SLC39A10: variants seen among roughly 807,000 people sequenced by gnomAD.
SLC39A10 encodes solute carrier family 39 member 10.
Under a neutral mutation model 65.1 loss-of-function variants are expected in SLC39A10, and 13 were observed. The ratio of observed to expected loss-of-function variants is 0.20; its 90% CI spans 0.13 to 0.32. The LOEUF is 0.32. SLC39A10 is among the 10% of genes least tolerant of loss of function. SLC39A10 has a pLI of 1.00. For synonymous variants in SLC39A10, 321 were observed against 342.2 expected (o/e 0.94, Z 0.68); for missense variants, 831 against 1,018.4 (o/e 0.82, Z 2.50).
intron 3 of SLC39A10, among the ~76,000 whole-genome samples, chr2:195,700,827 C>T (rs1691148631): frequency 6.6e-6 from 1 of 152,108 alleles, no homozygotes; most frequent in Non-Finnish European, 1.5e-5. Flanking sequence ...AGTTGCTTCT[C>T]TTGCAGCTTT....
Position 195,734,928 on chromosome 2 carries a change from T to C in SLC39A10, c.2383T>C (p.Phe795Leu). The change falls in exon 10 of 10, where the codon TTT becomes CTT. Residue 795 changes from phenylalanine (F) to leucine (L), a missense_variant. This residue lies in a region of SLC39A10 where 120 missense variants were observed against 203.9 expected (regional missense o/e 0.59). Coordinates refer to ENST00000359634, the MANE Select transcript of SLC39A10 (RefSeq NM_020342.3). ...TGATGGTGACAATGAAGAACATGGCTTTTGTCCTGTGGGGCAATTCATCCT... is the reference window on the plus strand; with the variant it reads ...TGATGGTGACAATGAAGAACATGGCCTTTGTCCTGTGGGGCAATTCATCCT... ...HGDGDNEEHG[F>L]CPVGQFILQN... 6.2e-7 allele frequency: 1 copy of C among 1,611,940 alleles called. No homozygotes were observed.
rs540926384 is a variant in SLC39A10 at position 195,627,719 on chromosome 2, T to C, written c.-12+21486T>C. 2.4e-4 allele frequency among the ~76,000 whole-genome samples: 36 copies of C among 152,266 alleles called. 1 individual carries two copies. In the East Asian group the frequency reaches 5.8e-3, roughly 24 times the overall value. On this transcript the variant is annotated intron_variant, in intron 2 of 2. Coordinates refer to the SLC39A10 transcript ENST00000458054. ...GGGAAGGAATTGGAAACAAGACAGA[T>C]AAGTCTGAGGGAAGGAAGATGTGCA...
intron 1 of SLC39A10, among the ~76,000 whole-genome samples, chr2:195,657,884 C>T (rs1482289231): frequency 6.6e-6 from 1 of 152,186 alleles, no homozygotes; most frequent in Non-Finnish European, 1.5e-5. Context: ...GGCGGCGCCT[C>T]TGCTCCTACT....
rs147403897 is a variant in SLC39A10, at chr2:195,642,271, A to C, written c.-12+36038A>C. Among the ~76,000 whole-genome samples, 360 of 152,322 alleles carry C rather than the reference A, an allele frequency of 2.4e-3. 6 individuals are homozygous for C. Among genetic ancestry groups the C allele is most frequent in the African/African-American group, 8.3e-3 (345 of 41,562 alleles). ...ACTTGGGTGTGGTGAGAAGTAGAAT[A>C]TGGACACAAGGCATCTGTAAGAATT... is the stretch of plus-strand genomic sequence containing the variant. On this transcript the variant is annotated intron_variant, in intron 2 of 2. Coordinates refer to the SLC39A10 transcript ENST00000458054.
intron 4 of SLC39A10, among the ~76,000 whole-genome samples, chr2:195,707,270 T>G (rs1173908366): frequency 1.3e-5 from 2 of 152,196 alleles, no homozygotes; most frequent in Non-Finnish European, 2.9e-5. Flanking sequence ...CACTTCTAAT[T>G]ATATGATCAC....
At chr2:195,633,529 A>G (rs1010253512) in intron 2 of SLC39A10, among the ~76,000 whole-genome samples, 5 of 152,214 alleles carry the variant, frequency 3.3e-5, no homozygotes, top group Non-Finnish European at 7.3e-5. Flanking sequence ...GTGAGGGCAG[A>G]GGGTCTAGTG....
intron 3 of SLC39A10, among the ~76,000 whole-genome samples, chr2:195,691,324 CGT>C (rs1183852474): frequency 3.3e-5 from 5 of 152,120 alleles, no homozygotes; most frequent in Non-Finnish European, 7.4e-5. Context: ...CTGCTGTAAA[CGT>C]GTGTCCAAGT....
chr2:195,671,699 A>G (rs1228586040), intron 1 of SLC39A10: 3 of 152,206 alleles, frequency 2.0e-5, no homozygotes, highest in Non-Finnish European at 2.9e-5. Flanking sequence ...GTTAACATCT[A>G]CTGGAATGCT....
At chr2:195,657,396 G>A (rs940687954) in intron 1 of SLC39A10, 115 bp downstream of exon 1, 2 of 985,460 alleles carry the variant, frequency 2.0e-6, no homozygotes, top group Admixed American at 6.1e-5. Context: ...CAGAACCGGG[G>A]AGTCGGGGCT....
intron 1 of SLC39A10, among the ~76,000 whole-genome samples, chr2:195,661,994 T>A (rs1337520208): frequency 6.6e-6 from 1 of 152,208 alleles, no homozygotes; most frequent in East Asian, 1.9e-4. Context: ...ATACTCGACT[T>A]TGGGGGACAG....
At position 195,708,833 on chromosome 2, in the gene SLC39A10, AAAC is replaced by A. The variant is rs778206324; in HGVS notation, c.1570_1572del (p.Gln524del). The A allele has an allele frequency of 1.9e-6, 3 of 1,601,846 alleles. No homozygotes were observed. In the African/African-American group the frequency reaches 4.0e-5, roughly 22 times the overall value. The stretch of plus-strand genomic sequence containing the variant: ...CTGCATTAGAATGTTTAAGCACTAC[AAAC>A]AACAAAGAGTAAGTATTTTTTATTT... On this transcript the variant is annotated inframe_deletion, in exon 5 of 10. Coordinates refer to ENST00000359634, the MANE Select transcript of SLC39A10 (RefSeq NM_020342.3).
chr2:195,725,566 G>C (rs1692205726), intron 8 of SLC39A10, among the ~76,000 whole-genome samples: 1 of 152,130 alleles, frequency 6.6e-6, no homozygotes, highest in Non-Finnish European at 1.5e-5. Context: ...TATAAAATTA[G>C]AAATATGCTT....
At position 195,626,697 on chromosome 2, in the gene SLC39A10, G is replaced by A. The variant is rs145097962; in HGVS notation, c.-12+20464G>A. Among the ~76,000 whole-genome samples, 537 of 152,228 alleles carry A rather than the reference G, an allele frequency of 3.5e-3. 2 individuals carry two copies. Among genetic ancestry groups the A allele is most frequent in the African/African-American group, 0.012 (511 of 41,534 alleles). On this transcript the variant is annotated intron_variant, in intron 2 of 2. Transcript: ENST00000458054. ...CTAGCTTTTAGGGAAGACCTCAGGC[G>A]TTTCTACTGCAGAGGGTAGGCTATA...
intron 6 of SLC39A10, among the ~76,000 whole-genome samples, chr2:195,715,525 CAAAAAAAAAAA>C (rs545656309): frequency 1.9e-3 from 115 of 61,636 alleles, no homozygotes; most frequent in African/African-American, 6.2e-3. Context: ...GACTCTGTCT[CAAAAAAAAAAA>C]AAAAAAAAAA....
At chr2:195,617,968 A>C (rs111538220) in intron 2 of SLC39A10, among the ~76,000 whole-genome samples, 2 of 149,450 alleles carry the variant, frequency 1.3e-5, no homozygotes, top group Admixed American at 6.7e-5. Context: ...CTCAATCTCC[A>C]GACCTCGTGA....
chr2:195,621,034 C>G (rs1437144013), intron 2 of SLC39A10, among the ~76,000 whole-genome samples: 1 of 152,148 alleles, frequency 6.6e-6, no homozygotes, highest in African/African-American at 2.4e-5. Flanking sequence ...GAGTCTGGAT[C>G]TAATATTTTT....
intron 1 of SLC39A10, among the ~76,000 whole-genome samples, chr2:195,659,464 G>A (rs1301123274): frequency 6.6e-6 from 1 of 152,166 alleles, no homozygotes; most frequent in African/African-American, 2.4e-5. Context: ...GATTTTTGGA[G>A]AAGATAGGAT....
intron 2 of SLC39A10, among the ~76,000 whole-genome samples, chr2:195,639,876 T>A (rs562372846): frequency 2.6e-5 from 4 of 152,230 alleles, no homozygotes; most frequent in Non-Finnish European, 4.4e-5. Context: ...CTCTTAATAC[T>A]TACAGATGGA....
chr2:195,726,878 A>G (rs551588946), intron 8 of SLC39A10, among the ~76,000 whole-genome samples: 121 of 152,316 alleles, frequency 7.9e-4, no homozygotes, highest in African/African-American at 2.9e-3. Context: ...CACCTTGCAT[A>G]TGCTGAGTGT....
Sources: allele counts gnomAD v4.1 joint callset (sites outside exome capture counted in the v4.1 genomes callset), GRCh38; gene constraint gnomAD v4.1.1; regional missense constraint gnomAD v4.1.1; transcripts MANE v1.5; gene names NCBI Gene and HGNC (gene_info 2026-07-23, HGNC 2026-07-21).